The following CD300LF variants were observed in gnomAD, a reference collection of about 807,000 sequenced individuals.
CD300LF encodes the protein CMRF35-like molecule 1.
In CD300LF, 27 loss-of-function variants were observed where a neutral mutation model predicts 32.2. The ratio of observed to expected loss-of-function variants is 0.84; its 90% CI spans 0.62 to 1.15. The LOEUF (loss-of-function observed/expected upper bound fraction) is 1.15, where lower values mean the gene tolerates loss of function less well. Ranked by LOEUF, CD300LF falls within the 50% of genes most tolerant of loss-of-function variation. The pLI, the probability that CD300LF is intolerant of heterozygous loss-of-function variation, is 0.00. For missense variants in CD300LF, 348 were observed against 356.8 expected, an observed-to-expected ratio of 0.98 and a Z score of 0.20; for synonymous variants, 139 against 143.2, an observed-to-expected ratio of 0.97 and a Z score of 0.21.
At chr17:74,702,583 C>A (rs1469880924) in intron 3 of CD300LF, among the ~76,000 whole-genome samples, 1 of 152,168 alleles carries the variant, frequency 6.6e-6, no homozygotes, top group African/African-American at 2.4e-5. Flanking sequence ...AGGACTTCCC[C>A]AAGCCCTCCT....
chr17:74,708,884 C>G (rs2033743457), intron 1 of CD300LF, among the ~76,000 whole-genome samples: 3 of 151,108 alleles, frequency 2.0e-5, no homozygotes, highest in African/African-American at 4.9e-5. Context: ...CCACTGCACT[C>G]CAGCCTGGGC....
intron 3 of CD300LF, among the ~76,000 whole-genome samples, chr17:74,701,964 G>A (rs180765495): frequency 6.6e-6 from 1 of 151,944 alleles, no homozygotes; most frequent in Admixed American, 6.6e-5. Context: ...AGAGGTTGCA[G>A]TGAGCCAAGA....
At chr17:74,696,297 T>G in intron 4 of CD300LF, 80 bp from the exon 5 acceptor site, 2 of 1,462,226 alleles carry the variant, frequency 1.4e-6, no homozygotes, top group East Asian at 2.4e-5. Flanking sequence ...GGAAGAGAAA[T>G]ATGGAAGAAA....
At chr17:74,702,754 G>A (rs1035130971) in intron 3 of CD300LF, among the ~76,000 whole-genome samples, 3 of 152,192 alleles carry the variant, frequency 2.0e-5, no homozygotes, top group African/African-American at 7.2e-5. Context: ...CCAGAGCTCA[G>A]CACGGTGCAG....
In CD300LF at chr17:74,695,184, G is replaced by A; in HGVS notation, c.785C>T (p.Thr262Ile). 1.2e-6 allele frequency: 2 copies of A among 1,614,130 alleles called. No individual in the cohort carries two copies. Among genetic ancestry groups the A allele is most frequent in the Non-Finnish European group, 1.7e-6 (2 of 1,179,996 alleles). The stretch of plus-strand genomic sequence containing the variant: ...ACTGAGGTGGCCCATGTTGCAGTAG[G>A]TCGGTTCCTGATCCTCAGCACCCAA... ...LTLGAEDQEPTYCNMGHLSSH... is the reference protein window; with the variant it reads ...LTLGAEDQEPIYCNMGHLSSH... The change falls in exon 7 of 7, where the codon ACC becomes ATC. Residue 262 changes from threonine to isoleucine, a missense_variant. Thr to Ile is a moderately conservative substitution (Grantham distance 89). Transcript: ENST00000326165.
chr17:74,706,093 G>C (rs2033483146), intron 1 of CD300LF, among the ~76,000 whole-genome samples: 1 of 151,916 alleles, frequency 6.6e-6, no homozygotes, highest in African/African-American at 2.4e-5. Flanking sequence ...GAGGGAAAGG[G>C]GCAAGAACAA....
At chr17:74,704,897 A>T (rs908896240) in intron 1 of CD300LF, 81 bp from the exon 2 acceptor site, 2 of 1,107,196 alleles carry the variant, frequency 1.8e-6, no homozygotes, top group African/African-American at 3.1e-5. Flanking sequence ...ATAGCTCCCA[A>T]ATCCAAGTTT....
chr17:74,694,960 C>T lies in CD300LF; in HGVS notation c.*136G>A, dbSNP rs1421752785. The T allele has an allele frequency of 2.2e-5, 22 of 1,003,844 alleles. No individual in the cohort carries two copies. The highest frequency in any genetic ancestry group is 3.0e-5 in the Non-Finnish European group (21 of 689,292). 62.2% of individuals were successfully genotyped at this position (1,003,844 alleles called of 1,614,324 possible). Reference sequence around the variant, plus strand: ...ACTTGGCCCCAAGCCCAACCCAGAGCTAGGGGCAATGCTGGCTGATCAGGC... The same window carrying T: ...ACTTGGCCCCAAGCCCAACCCAGAGTTAGGGGCAATGCTGGCTGATCAGGC... On this transcript the variant is annotated 3_prime_UTR_variant, in exon 7 of 7. Coordinates refer to ENST00000326165, the MANE Select transcript of CD300LF (RefSeq NM_139018.5).
At chr17:74,704,436 G>A (rs1202563943) in intron 2 of CD300LF, 42 bp downstream of exon 2, 3 of 1,377,272 alleles carry the variant, frequency 2.2e-6, no homozygotes, top group Admixed American at 1.8e-5. Flanking sequence ...CCAGGACAGA[G>A]CAGGCCCTGA....
At chr17:74,708,493 T>C (rs972743294) in intron 1 of CD300LF, among the ~76,000 whole-genome samples, 6 of 152,304 alleles carry the variant, frequency 3.9e-5, no homozygotes, top group Non-Finnish European at 8.8e-5. Context: ...CAAATATCAC[T>C]CATTAACATA....
At chr17:74,703,312 G>A (rs2033231237) in intron 2 of CD300LF, among the ~76,000 whole-genome samples, 1 of 152,150 alleles carries the variant, frequency 6.6e-6, no homozygotes, top group Admixed American at 6.5e-5. Context: ...AGACTCCAGA[G>A]CCTCATAGGC....
chr17:74,707,788 AATAAG>A (rs370990801), intron 1 of CD300LF, among the ~76,000 whole-genome samples: 4 of 152,204 alleles, frequency 2.6e-5, no homozygotes, highest in Non-Finnish European at 4.4e-5. Flanking sequence ...ATAAACCATG[AATAAG>A]ATAAAAGGAT....
chr17:74,701,958 G>C (rs550506477), intron 3 of CD300LF, among the ~76,000 whole-genome samples: 1 of 151,782 alleles, frequency 6.6e-6, no homozygotes, highest in Non-Finnish European at 1.5e-5. Context: ...AGAGGCAGAG[G>C]TTGCAGTGAG....
At chr17:74,699,077 C>T (rs991054161) in intron 3 of CD300LF, among the ~76,000 whole-genome samples, 1 of 152,058 alleles carries the variant, frequency 6.6e-6, no homozygotes, top group Non-Finnish European at 1.5e-5. Context: ...CACCACCACA[C>T]CTAGCTAATT....
chr17:74,707,830 T>C (rs1246040409), intron 1 of CD300LF, among the ~76,000 whole-genome samples: 3 of 151,948 alleles, frequency 2.0e-5, no homozygotes, highest in Admixed American at 1.3e-4. Flanking sequence ...ATTTAAACAA[T>C]GTTATGCCAA....
At chr17:74,704,966 T>C (rs914954226) in intron 1 of CD300LF, 150 bp from the exon 2 acceptor site, 10 of 661,384 alleles carry the variant, frequency 1.5e-5, no homozygotes, top group African/African-American at 9.0e-5. Flanking sequence ...ACTTTTGTCC[T>C]TCAGCTTTCC....
intron 4 of CD300LF, among the ~76,000 whole-genome samples, chr17:74,696,564 A>T (rs1202852213): frequency 6.6e-6 from 1 of 152,112 alleles, no homozygotes; most frequent in Non-Finnish European, 1.5e-5. Context: ...GAATTCCACC[A>T]TGTCTCTCTA....
chr17:74,701,994 C>G (rs1449395592), intron 3 of CD300LF, among the ~76,000 whole-genome samples: 1 of 151,330 alleles, frequency 6.6e-6, no homozygotes, highest in Non-Finnish European at 1.5e-5. Flanking sequence ...GCACTCAAGT[C>G]TGAGCTACAG....
At chr17:74,703,330 G>A (rs1260047965) in intron 2 of CD300LF, among the ~76,000 whole-genome samples, 1 of 152,162 alleles carries the variant, frequency 6.6e-6, no homozygotes, top group Non-Finnish European at 1.5e-5. Flanking sequence ...GGCAGGTGGG[G>A]CTGGGCAGGG....
Sources: gnomAD v4.1 joint callset for allele counts (sites outside exome capture counted in the v4.1 genomes callset) on GRCh38, gnomAD v4.1.1 for gene constraint, MANE v1.5 for transcripts, NCBI Gene and HGNC (gene_info 2026-07-23, HGNC 2026-07-21) for gene names.